Variants in KCNC2 observed in about 807,000 individuals in gnomAD.
KCNC2 encodes voltage-gated potassium channel KCNC2.
A neutral mutation model predicts 44.5 loss-of-function variants in KCNC2; 21 were observed. That is an observed-to-expected ratio of 0.47 (90% CI 0.33 to 0.68). The LOEUF (loss-of-function observed/expected upper bound fraction) is 0.68, where lower values mean the gene tolerates loss of function less well. KCNC2 is among the 30% of genes least tolerant of loss of function. The pLI is 0.01. For synonymous variants in KCNC2, 391 were observed against 339.1 expected (o/e 1.15, Z -1.68); for missense variants, 589 against 826.2 (o/e 0.71, Z 3.52).
intron 2 of KCNC2, among the ~76,000 whole-genome samples, chr12:75,086,678 AAAAAT>A (rs1229402751): frequency 6.1e-5 from 2 of 32,616 alleles, no homozygotes; most frequent in Non-Finnish European, 1.1e-4. Context: ...AAAAAAAAAA[AAAAAT>A]ATATATATAT....
At chr12:75,102,176 T>C (rs1592871982) in intron 2 of KCNC2, among the ~76,000 whole-genome samples, 1 of 151,972 alleles carries the variant, frequency 6.6e-6, no homozygotes, top group East Asian at 1.9e-4. Flanking sequence ...TTAGGTAGTT[T>C]CCCTGAAACA....
intron 2 of KCNC2, among the ~76,000 whole-genome samples, chr12:75,181,900 T>C (rs886183694): frequency 7.1e-6 from 1 of 141,548 alleles, no homozygotes; most frequent in Non-Finnish European, 1.5e-5. Context: ...GAAACATTAT[T>C]ACTATTAATA....
At chr12:75,195,748 A>G (rs1334055623) in intron 2 of KCNC2, among the ~76,000 whole-genome samples, 1 of 152,096 alleles carries the variant, frequency 6.6e-6, no homozygotes. Context: ...CTTCAGCTAC[A>G]AAGGTTTCAG....
Position 75,042,331 on chromosome 12 carries a change from C to T in KCNC2, c.*774G>A. On this transcript the variant is annotated 3_prime_UTR_variant, in exon 5 of 5. Coordinates refer to ENST00000549446, the MANE Select transcript of KCNC2 (RefSeq NM_139137.4). The stretch of plus-strand genomic sequence containing the variant: ...CAAGTCATTAAGTAAGAGATCTGGC[C>T]TCGGCTTGCGTGTAACCAGTAATGA... The T allele has an allele frequency of 1.9e-6, 3 of 1,612,012 alleles. No individual in the cohort carries two copies. The South Asian group carries it at 3.3e-5, about 18-fold the overall frequency.
At chr12:75,129,518 T>C (rs937532172) in intron 2 of KCNC2, among the ~76,000 whole-genome samples, 16 of 152,176 alleles carry the variant, frequency 1.1e-4, no homozygotes, top group African/African-American at 3.6e-4. Flanking sequence ...TCTAGCTTTG[T>C]AAACACACAG....
chr12:75,206,258 T>C (rs2031677266), intron 2 of KCNC2, among the ~76,000 whole-genome samples: 1 of 152,210 alleles, frequency 6.6e-6, no homozygotes. Flanking sequence ...ACCAGACACA[T>C]GCAGTTGCAA....
intron 2 of KCNC2, among the ~76,000 whole-genome samples, chr12:75,171,044 A>G (rs934460243): frequency 1.4e-5 from 2 of 146,014 alleles, no homozygotes; most frequent in South Asian, 2.2e-4. Context: ...GCCTCTCACA[A>G]TATGGCAGCT....
intron 2 of KCNC2, among the ~76,000 whole-genome samples, chr12:75,094,593 C>T (rs1885765344): frequency 6.6e-6 from 1 of 151,648 alleles, no homozygotes; most frequent in African/African-American, 2.4e-5. Context: ...CCTCTGCCAC[C>T]CAGTGAAATG....
At chr12:75,043,452 A>G in intron 4 of KCNC2, 1 of 1,331,592 alleles carries the variant, frequency 7.5e-7, no homozygotes, top group Non-Finnish European at 9.7e-7. Context: ...ATCACAAATT[A>G]TTGTTACAAT....
intron 2 of KCNC2, among the ~76,000 whole-genome samples, chr12:75,172,338 A>T (rs1277744390): frequency 6.6e-6 from 1 of 151,820 alleles, no homozygotes; most frequent in Non-Finnish European, 1.5e-5. Flanking sequence ...CAGGTGTTGG[A>T]GAAGGGAGAG....
At chr12:75,201,380 T>A (rs888429858) in intron 2 of KCNC2, among the ~76,000 whole-genome samples, 2 of 144,968 alleles carry the variant, frequency 1.4e-5, no homozygotes, top group Middle Eastern at 3.3e-3. Context: ...CCTTCCTCTC[T>A]CCCCCAGAAT....
chr12:75,046,994 G>T (rs1374770286), intron 4 of KCNC2, among the ~76,000 whole-genome samples: 1 of 151,920 alleles, frequency 6.6e-6, no homozygotes, highest in Non-Finnish European at 1.5e-5. Context: ...CCTTAAAATG[G>T]TAAATAATTC....
chr12:75,056,309 G>C (rs1456938943), intron 2 of KCNC2, among the ~76,000 whole-genome samples: 1 of 151,486 alleles, frequency 6.6e-6, no homozygotes, highest in Non-Finnish European at 1.5e-5. Flanking sequence ...AAATATAAAG[G>C]AAGAAAAACT....
chr12:75,143,944 T>C (rs1191581001), intron 2 of KCNC2, among the ~76,000 whole-genome samples: 1 of 152,168 alleles, frequency 6.6e-6, no homozygotes, highest in Admixed American at 6.5e-5. Context: ...ATATCCTCTA[T>C]CTGATAATAA....
chr12:75,189,039 T>C (rs2029944263), intron 2 of KCNC2, among the ~76,000 whole-genome samples: 1 of 152,184 alleles, frequency 6.6e-6, no homozygotes, highest in African/African-American at 2.4e-5. Flanking sequence ...TAAATTGTGC[T>C]CAAGCTCTTG....
chr12:75,052,323 AT>A (rs1881264688), intron 2 of KCNC2, among the ~76,000 whole-genome samples: 2 of 152,104 alleles, frequency 1.3e-5, no homozygotes, highest in South Asian at 4.1e-4. Context: ...TTAGCTGCAG[AT>A]TCTGTTCCCC....
At chr12:75,208,424 C>T (rs1241811408) in intron 1 of KCNC2, among the ~76,000 whole-genome samples, 1 of 151,320 alleles carries the variant, frequency 6.6e-6, no homozygotes, top group African/African-American at 2.4e-5. Context: ...TTCTCCCCCT[C>T]CTTTGCCCCA....
chr12:75,080,406 A>C (rs527378802), intron 2 of KCNC2, among the ~76,000 whole-genome samples: 35 of 152,240 alleles, frequency 2.3e-4, no homozygotes, highest in African/African-American at 4.6e-4. Flanking sequence ...GTATAAAAAG[A>C]AGGAGAAAAA....
At chr12:75,085,244 C>G (rs1427099674) in intron 2 of KCNC2, among the ~76,000 whole-genome samples, 2 of 152,018 alleles carry the variant, frequency 1.3e-5, no homozygotes, top group East Asian at 3.9e-4. Context: ...CCAGTAACCT[C>G]TTCATCTTGA....
Sources: gnomAD v4.1 joint callset for allele counts (sites outside exome capture counted in the v4.1 genomes callset) on GRCh38, gnomAD v4.1.1 for gene constraint, MANE v1.5 for transcripts, NCBI Gene and HGNC (gene_info 2026-07-23, HGNC 2026-07-21) for gene names.